The following CFAP45 variants were observed in gnomAD, a reference collection of about 807,000 sequenced individuals.
The protein encoded by CFAP45 is cilia- and flagella-associated protein 45.
In CFAP45, 43 loss-of-function variants were observed where a neutral mutation model predicts 75.6. That is an observed-to-expected ratio of 0.57 (90% CI 0.45 to 0.73). The LOEUF (loss-of-function observed/expected upper bound fraction) is 0.73, where lower values mean the gene tolerates loss of function less well. Ranked by LOEUF, CFAP45 falls within the 30% of genes least tolerant of loss-of-function variation. The probability of loss-of-function intolerance (pLI) is 0.00; values close to 1 mark genes in which losing one functional copy is unlikely to be tolerated. For synonymous variants in CFAP45, 223 were observed against 244.6 expected (o/e 0.91, Z 0.82); for missense variants, 689 against 701.5 (o/e 0.98, Z 0.20).
Position 159,890,571 on chromosome 1 carries a change from G to A in CFAP45, c.181C>T (p.His61Tyr), listed in dbSNP as rs764217890. 4.3e-6 allele frequency: 7 copies of A among 1,614,006 alleles called. No individual in the cohort carries two copies. The East Asian group carries it at 8.9e-5, about 21-fold the overall frequency. ...GCAGTGAGAGTTTTTTGAAGGGTAT[G>A]CTTATCTCGGAGCAGCACAATGGGG... is the stretch of plus-strand genomic sequence containing the variant. ...DSPIVLLRDK[H>Y]TLQKTLTALG... The change falls in exon 3 of 12, where the codon CAT (histidine) becomes TAT (tyrosine). Residue 61 changes from histidine (H) to tyrosine (Y), a missense_variant. His to Tyr is a moderately conservative substitution (Grantham distance 83). Coordinates refer to ENST00000368099, the MANE Select transcript of CFAP45 (RefSeq NM_012337.3).
intron 6 of CFAP45, among the ~76,000 whole-genome samples, chr1:159,885,688 A>G (rs911155564): frequency 3.9e-5 from 6 of 152,178 alleles, no homozygotes; most frequent in Non-Finnish European, 7.4e-5. Flanking sequence ...ATACGAAAGG[A>G]CCTGTCCGCA....
At chr1:159,896,752 C>A (rs1466011814) in intron 1 of CFAP45, among the ~76,000 whole-genome samples, 7 of 152,056 alleles carry the variant, frequency 4.6e-5, no homozygotes, top group Non-Finnish European at 8.8e-5. Flanking sequence ...AGATGCCAGC[C>A]CTGCTTTGAT....
In CFAP45 at chr1:159,875,063, G is replaced by A. The variant is rs1477464615; in HGVS notation, c.1352+1493C>T. Reference sequence around the variant, plus strand: ...TGGTCACATGGCCCTGGAGACACTAGGCCTAGATACTAACCTACAACAATA... The same window carrying A: ...TGGTCACATGGCCCTGGAGACACTAAGCCTAGATACTAACCTACAACAATA... On this transcript the variant is annotated intron_variant, in intron 10 of 11. Coordinates refer to ENST00000368099, the MANE Select transcript of CFAP45 (RefSeq NM_012337.3). Among the ~76,000 whole-genome samples the A allele has an allele frequency of 2.0e-5, 3 of 152,302 alleles. No homozygotes were observed. In the South Asian group the frequency reaches 6.2e-4, roughly 32 times the overall value.
chr1:159,881,828 C>T (rs535572281), intron 7 of CFAP45, among the ~76,000 whole-genome samples: 1 of 152,318 alleles, frequency 6.6e-6, no homozygotes, highest in East Asian at 1.9e-4. Context: ...ATTAGGGGAA[C>T]AGCTGGCCCC....
rs138866715 is a variant in CFAP45 at position 159,886,659 on chromosome 1, G to A, written c.619C>T (p.Arg207Trp). ...TGCTTCTCCAGGATTTGGGCATCCC[G>A]GATGGCATGGCACTTAGCATTGAGG... ...IILNAKCHAI[R>W]DAQILEKQQI... is the part of the protein sequence containing the mutation. Residue 207 changes from arginine to tryptophan, a missense_variant, in exon 6 of 12, where the codon CGG becomes TGG. Transcript: ENST00000368099. 1.8e-4 allele frequency: 283 copies of A among 1,613,908 alleles called. No homozygotes were observed. The highest frequency in any genetic ancestry group is 5.0e-4 in the Admixed American group (30 of 59,994).
chr1:159,891,053 C>G (rs1649819041), intron 2 of CFAP45, among the ~76,000 whole-genome samples: 2 of 152,180 alleles, frequency 1.3e-5, no homozygotes, highest in South Asian at 4.1e-4. Flanking sequence ...GCCACCATGC[C>G]CAGCCCTGAC....
At chr1:159,875,481 G>C (rs1473647924) in intron 10 of CFAP45, among the ~76,000 whole-genome samples, 1 of 152,140 alleles carries the variant, frequency 6.6e-6, no homozygotes, top group Admixed American at 6.5e-5. Flanking sequence ...TCTGGCTCTC[G>C]TAAGGATAGA....
intron 1 of CFAP45, among the ~76,000 whole-genome samples, chr1:159,897,647 A>C (rs1028271845): frequency 6.6e-6 from 1 of 152,200 alleles, no homozygotes; most frequent in South Asian, 2.1e-4. Context: ...TGTGCCCAGA[A>C]TGTATTACTG....
At position 159,872,394 on chromosome 1, in the gene CFAP45, T is replaced by G; in HGVS notation, c.*91A>C. 1.0e-6 allele frequency: 1 copy of G among 990,886 alleles called. No individual in the cohort carries two copies. Among genetic ancestry groups the G allele is most frequent in the Non-Finnish European group, 1.6e-6 (1 of 616,596 alleles). 61.4% of individuals were successfully genotyped at this position (990,886 alleles called of 1,614,324 possible). ...GTCAAGTAGATTTAATCTGTAACTA[T>G]GAAATGTCTAGGTTAGCAGCAATTA... On this transcript the variant is annotated 3_prime_UTR_variant, in exon 12 of 12. Transcript: ENST00000368099.
At position 159,886,699 on chromosome 1, in the gene CFAP45, G is replaced by A; in HGVS notation, c.589-10C>T. ...TAGCATTGAGGATAATCTGGAGAGT[G>A]GAGATTAAACTGTAGCACTAGGCCT... is the stretch of plus-strand genomic sequence containing the variant. On this transcript the variant is annotated splice_polypyrimidine_tract_variant and intron_variant, in intron 5 of 11. Coordinates refer to ENST00000368099, the MANE Select transcript of CFAP45 (RefSeq NM_012337.3). The A allele has an allele frequency of 6.2e-7, 1 of 1,612,662 alleles. No homozygotes were observed.
chr1:159,898,435 T>C (rs748294072), intron 1 of CFAP45, among the ~76,000 whole-genome samples: 3 of 152,236 alleles, frequency 2.0e-5, no homozygotes, highest in Non-Finnish European at 4.4e-5. Context: ...TCTCCAAACC[T>C]AGTGAGTAGC....
chr1:159,888,637 G>A, intron 3 of CFAP45, 141 bp from the exon 4 acceptor site: 1 of 700,676 alleles, frequency 1.4e-6, no homozygotes, highest in Non-Finnish European at 2.4e-6. Flanking sequence ...GTGTGCCATG[G>A]GTCCACTGGG....
At chr1:159,884,043 G>A (rs1298688355) in intron 7 of CFAP45, among the ~76,000 whole-genome samples, 3 of 152,150 alleles carry the variant, frequency 2.0e-5, no homozygotes, top group Non-Finnish European at 4.4e-5. Context: ...GTAACAGCAG[G>A]GAGTCTGGAA....
At chr1:159,898,253 G>C (rs1649996478) in intron 1 of CFAP45, 21 of 985,076 alleles carry the variant, frequency 2.1e-5, no homozygotes, top group Non-Finnish European at 2.5e-5. Context: ...TCTTCAATTG[G>C]GACCAAGTTG....
At chr1:159,893,505 G>C (rs1288843804) in intron 1 of CFAP45, among the ~76,000 whole-genome samples, 200 bp from the exon 2 acceptor site, 12 of 152,074 alleles carry the variant, frequency 7.9e-5, no homozygotes, top group Admixed American at 7.9e-4. Context: ...GCAGGGAAGG[G>C]TCTCTGCAAA....
At chr1:159,878,955 G>A (rs1202568033) in intron 8 of CFAP45, among the ~76,000 whole-genome samples, 1 of 151,830 alleles carries the variant, frequency 6.6e-6, no homozygotes, top group Non-Finnish European at 1.5e-5. Context: ...CTCTGCAGGG[G>A]CAGCCCTGGC....
chr1:159,876,870 T>C lies in CFAP45; in HGVS notation c.1159-121A>G. ...TCTGCTTTGAAAAGCATCATGAATT[T>C]CTCTGGCAGCTAGTTATTCTAGGAA... On this transcript the variant is annotated intron_variant, in intron 9 of 11. Coordinates refer to ENST00000368099, the MANE Select transcript of CFAP45 (RefSeq NM_012337.3). The C allele has an allele frequency of 7.6e-6, 7 of 921,170 alleles. 1 individual carries two copies. The highest frequency in any genetic ancestry group is 1.2e-5 in the Non-Finnish European group (7 of 582,006). The allele number at this position is 921,170 out of a possible 1,614,324, so 57.1% of individuals were successfully genotyped here.
intron 7 of CFAP45, among the ~76,000 whole-genome samples, chr1:159,882,124 C>T (rs1012525492): frequency 2.0e-5 from 3 of 152,192 alleles, no homozygotes; most frequent in South Asian, 2.1e-4. Flanking sequence ...AACTCTCTGC[C>T]TCTGAGGTCC....
intron 7 of CFAP45, among the ~76,000 whole-genome samples, chr1:159,882,908 T>G (rs1649583248): frequency 6.6e-6 from 1 of 152,194 alleles, no homozygotes; most frequent in Non-Finnish European, 1.5e-5. Context: ...CTCATTGCCT[T>G]CACCCTGCTA....
Sources: gnomAD v4.1 joint callset for allele counts (sites outside exome capture counted in the v4.1 genomes callset) on GRCh38, gnomAD v4.1.1 for gene constraint, MANE v1.5 for transcripts, NCBI Gene and HGNC (gene_info 2026-07-23, HGNC 2026-07-21) for gene names.